The following RXRA variants were observed in gnomAD, a reference collection of about 807,000 sequenced individuals.
The protein encoded by RXRA is retinoid X receptor alpha.
Under a neutral mutation model 44.5 loss-of-function variants are expected in RXRA, and 5 were observed. The ratio of observed to expected loss-of-function variants is 0.11; its 90% CI spans 0.06 to 0.24. The LOEUF is 0.24. Ranked by LOEUF, RXRA falls within the 10% of genes least tolerant of loss-of-function variation. The pLI, the probability that RXRA is intolerant of heterozygous loss-of-function variation, is 1.00. For missense variants in RXRA, 412 were observed against 646.5 expected, an observed-to-expected ratio of 0.64 and a Z score of 3.93; for synonymous variants, 291 against 271.4, an observed-to-expected ratio of 1.07 and a Z score of -0.71.
chr9:134,367,684 G>A (rs183454452), intron 1 of RXRA, among the ~76,000 whole-genome samples: 4 of 152,244 alleles, frequency 2.6e-5, no homozygotes, highest in Non-Finnish European at 5.9e-5. Context: ...TGTGCAGGGG[G>A]TGTGTGGGGC....
At chr9:134,386,980 C>T (rs946825249) in intron 1 of RXRA, among the ~76,000 whole-genome samples, 1 of 152,244 alleles carries the variant, frequency 6.6e-6, no homozygotes, top group African/African-American at 2.4e-5. Context: ...ACCCCGTCTT[C>T]CTGGGCCCAG....
chr9:134,381,152 AG>A (rs1324033943), intron 1 of RXRA, among the ~76,000 whole-genome samples: 1 of 152,008 alleles, frequency 6.6e-6, no homozygotes, highest in Non-Finnish European at 1.5e-5. Context: ...ATGGGCTGGG[AG>A]GGTTGAGGGA....
At chr9:134,411,142 G>A (rs1009262113) in intron 4 of RXRA, among the ~76,000 whole-genome samples, 2 of 152,152 alleles carry the variant, frequency 1.3e-5, no homozygotes, top group South Asian at 2.1e-4. Flanking sequence ...CCTGGCCCTC[G>A]GAAGTCGGTG....
chr9:134,429,701 AG>A (rs1449722711), intron 7 of RXRA, among the ~76,000 whole-genome samples: 1 of 152,096 alleles, frequency 6.6e-6, no homozygotes, highest in African/African-American at 2.4e-5. Flanking sequence ...CACACCTCCC[AG>A]TGGAGCAAAG....
intron 1 of RXRA, among the ~76,000 whole-genome samples, chr9:134,386,004 C>T (rs1220613601): frequency 2.0e-5 from 3 of 152,262 alleles, no homozygotes; most frequent in Admixed American, 2.0e-4. Context: ...GGGTCCTTGT[C>T]CTCTTCCAAG....
chr9:134,329,989 G>A (rs1336201892), intron 1 of RXRA, among the ~76,000 whole-genome samples: 4 of 152,238 alleles, frequency 2.6e-5, no homozygotes, highest in Admixed American at 2.0e-4. Context: ...CTGCATGGAA[G>A]GTGGTGTGGG....
chr9:134,408,933 C>G lies in RXRA; in HGVS notation c.431-7C>G, dbSNP rs376503712. On this transcript the variant is annotated splice_region_variant and splice_polypyrimidine_tract_variant and intron_variant, in intron 3 of 9. Transcript: ENST00000481739. ...GCTCCCCAGCCCTGCTCTGCCCTGT[C>G]CCGCAGGCAAGCACTATGGAGTGTA... 2.6e-6 allele frequency: 4 copies of G among 1,534,808 alleles called. No homozygotes were observed. The highest frequency in any genetic ancestry group is 3.5e-6 in the Non-Finnish European group (4 of 1,137,230).
At chr9:134,389,555 G>A (rs186217147) in intron 1 of RXRA, among the ~76,000 whole-genome samples, 98 of 152,284 alleles carry the variant, frequency 6.4e-4, no homozygotes, top group African/African-American at 1.7e-3. Flanking sequence ...TGGATTTTGG[G>A]GGTGTAATAG....
At chr9:134,427,310 C>T (rs1458223324) in intron 6 of RXRA, 5 of 311,730 alleles carry the variant, frequency 1.6e-5, no homozygotes, top group Non-Finnish European at 2.3e-5. Flanking sequence ...ACCCCCGCCC[C>T]GGGGGACCCC....
At chr9:134,383,185 C>T (rs762253219) in intron 1 of RXRA, among the ~76,000 whole-genome samples, 6 of 152,208 alleles carry the variant, frequency 3.9e-5, no homozygotes, top group Admixed American at 6.5e-5. Flanking sequence ...GAGCCCAGGC[C>T]GCTTCACCCC....
At position 134,439,639 on chromosome 9, in the gene RXRA, A is replaced by T. The variant is rs34390326; in HGVS notation, c.*3025A>T. 0.056 allele frequency: 8,532 copies of T among 152,516 alleles called. 781 individuals carry two copies. The highest frequency in any genetic ancestry group is 0.19 in the African/African-American group (8,023 of 41,546). 9.4% of individuals were successfully genotyped at this position (152,516 alleles called of 1,614,324 possible). A position where few individuals can be genotyped will look rare whatever the true frequency, so the allele number is the denominator to read the frequency against. On this transcript the variant is annotated 3_prime_UTR_variant, in exon 10 of 10. Transcript: ENST00000481739. The stretch of plus-strand genomic sequence containing the variant: ...GGGCACCCAGGAGGGCCCTGCCGGA[A>T]TGTGCAGCCTGTGGGTAGTCGGCTG...
At chr9:134,422,702 C>G (rs1831368612) in intron 6 of RXRA, 1 of 985,340 alleles carries the variant, frequency 1.0e-6, no homozygotes, top group Non-Finnish European at 1.2e-6. Context: ...CCTGGGACCT[C>G]CTATGTACTC....
chr9:134,394,474 C>T (rs1404588171), intron 1 of RXRA, among the ~76,000 whole-genome samples: 38 of 152,208 alleles, frequency 2.5e-4, no homozygotes, highest in Admixed American at 2.5e-3. Flanking sequence ...GTTGGTGTCT[C>T]CTGACTGAGG....
At chr9:134,327,419 C>T (rs920121843) in intron 1 of RXRA, among the ~76,000 whole-genome samples, 2 of 152,130 alleles carry the variant, frequency 1.3e-5, no homozygotes, top group African/African-American at 2.4e-5. Context: ...CAGGCCCAGA[C>T]CTACCGAGAA....
At chr9:134,328,755 C>T (rs550356066) in intron 1 of RXRA, among the ~76,000 whole-genome samples, 1 of 152,134 alleles carries the variant, frequency 6.6e-6, no homozygotes, top group Non-Finnish European at 1.5e-5. Context: ...ACCGGTCAGA[C>T]CTGGAGCTGC....
chr9:134,361,961 C>T (rs188793403), intron 1 of RXRA, among the ~76,000 whole-genome samples: 63 of 152,322 alleles, frequency 4.1e-4, no homozygotes, highest in African/African-American at 1.4e-3. Context: ...CGCTGGGTTT[C>T]TGATGCCGCC....
intron 5 of RXRA, among the ~76,000 whole-genome samples, chr9:134,420,360 G>A (rs1472219145): frequency 2.6e-5 from 4 of 152,222 alleles, no homozygotes; most frequent in Non-Finnish European, 5.9e-5. Context: ...AGTGCTGGGG[G>A]CTGTGGCTGC....
At position 134,342,655 on chromosome 9, in the gene RXRA, C is replaced by G. The variant is rs574870436; in HGVS notation, c.28+15996C>G. 1.2e-3 allele frequency among the ~76,000 whole-genome samples: 190 copies of G among 152,176 alleles called. No individual in the cohort carries two copies. Among genetic ancestry groups the G allele is most frequent in the Non-Finnish European group, 2.0e-3 (136 of 67,976 alleles). ...GGGGCTGCGGGGCTGCGGGAGGAGG[C>G]CCCTGTGGTTCCCACAGGGCCATGT... On this transcript the variant is annotated intron_variant, in intron 1 of 9. Transcript: ENST00000481739. This position sits in a 1 kb window ranked among gnomAD's most constrained non-coding sequence, Gnocchi z 4.4.
Position 134,417,352 on chromosome 9 carries a change from G to C in RXRA, c.780+25G>C. 1.9e-6 allele frequency: 3 copies of C among 1,606,982 alleles called. No individual in the cohort carries two copies. The highest frequency in any genetic ancestry group is 2.6e-6 in the Non-Finnish European group (3 of 1,175,206). On this transcript the variant is annotated intron_variant, in intron 5 of 9. Transcript: ENST00000481739. This position sits in a 1 kb window ranked among gnomAD's most constrained non-coding sequence, Gnocchi z 6.1. Reference sequence around the variant, plus strand: ...GGTGAGTTGCAGCCTGTGCAGGGGTGGGCAGCCTCACATGCCTCAGTTTCC... The same window carrying C: ...GGTGAGTTGCAGCCTGTGCAGGGGTCGGCAGCCTCACATGCCTCAGTTTCC...
Sources: allele counts gnomAD v4.1 joint callset (sites outside exome capture counted in the v4.1 genomes callset), GRCh38; gene constraint gnomAD v4.1.1; non-coding constraint Gnocchi (gnomAD v3.1); transcripts MANE v1.5; gene names NCBI Gene and HGNC (gene_info 2026-07-23, HGNC 2026-07-21).